The following CERS6 variants were observed in gnomAD, a reference collection of about 807,000 sequenced individuals.
CERS6 encodes LAG1 homolog, ceramide synthase 6.
A neutral mutation model predicts 56.8 loss-of-function variants in CERS6; 26 were observed. That is an observed-to-expected ratio of 0.46 (90% CI 0.34 to 0.63). The LOEUF (loss-of-function observed/expected upper bound fraction) is 0.63. Ranked by LOEUF, CERS6 falls within the 30% of genes least tolerant of loss-of-function variation. The pLI, the probability that CERS6 is intolerant of heterozygous loss-of-function variation, is 0.01. For synonymous variants in CERS6, 164 were observed against 173.3 expected (o/e 0.95, Z 0.42); for missense variants, 415 against 467.5 (o/e 0.89, Z 1.04).
At chr2:168,631,368 A>G (rs1391841313) in intron 4 of CERS6, among the ~76,000 whole-genome samples, 1 of 140,160 alleles carries the variant, frequency 7.1e-6, no homozygotes, top group Non-Finnish European at 1.5e-5. Context: ...TGTACTCTTC[A>G]CCAGTAGAAA....
chr2:168,589,243 T>C (rs1214347238), intron 3 of CERS6, among the ~76,000 whole-genome samples: 3 of 152,342 alleles, frequency 2.0e-5, no homozygotes, highest in Non-Finnish European at 4.4e-5. Flanking sequence ...CCTTCTCTCT[T>C]TCTTTTGTAA....
At chr2:168,662,210 A>G (rs1051938837) in intron 4 of CERS6, among the ~76,000 whole-genome samples, 9 of 150,418 alleles carry the variant, frequency 6.0e-5, no homozygotes, top group African/African-American at 2.2e-4. Context: ...ATTGGAATAT[A>G]CTTTTTCTAA....
chr2:168,742,759 C>T (rs901705389), intron 8 of CERS6, among the ~76,000 whole-genome samples: 13 of 152,164 alleles, frequency 8.5e-5, no homozygotes, highest in African/African-American at 2.4e-5. Flanking sequence ...AATGTAAGCA[C>T]TGAGACTGGG....
At chr2:168,597,232 C>T (rs558042094) in intron 3 of CERS6, among the ~76,000 whole-genome samples, 3 of 152,144 alleles carry the variant, frequency 2.0e-5, no homozygotes, top group South Asian at 2.1e-4. Context: ...TGGCAGCAGG[C>T]TTGACAGTAG....
intron 6 of CERS6, among the ~76,000 whole-genome samples, chr2:168,696,412 T>G (rs1452023075): frequency 6.6e-6 from 1 of 152,230 alleles, no homozygotes; most frequent in Non-Finnish European, 1.5e-5. Context: ...TGTAGTCTCT[T>G]AAACAGTCTT....
intron 4 of CERS6, among the ~76,000 whole-genome samples, chr2:168,639,468 T>C (rs1192903605): frequency 1.3e-5 from 2 of 152,236 alleles, no homozygotes; most frequent in African/African-American, 2.4e-5. Context: ...AAGTGTGTTT[T>C]TTCTAAAATC....
chr2:168,633,849 C>G (rs1481892529), intron 4 of CERS6, among the ~76,000 whole-genome samples: 2 of 152,156 alleles, frequency 1.3e-5, no homozygotes, highest in East Asian at 3.8e-4. Flanking sequence ...TCTTTGTGTT[C>G]AGATTCTTCC....
chr2:168,724,298 T>G (rs1354527675), intron 8 of CERS6, among the ~76,000 whole-genome samples: 3 of 152,112 alleles, frequency 2.0e-5, no homozygotes, highest in Non-Finnish European at 4.4e-5. Context: ...TGCAGACCTT[T>G]ACGGTGAGTG....
chr2:168,508,318 T>A (rs539544607), intron 1 of CERS6, among the ~76,000 whole-genome samples: 55 of 152,298 alleles, frequency 3.6e-4, no homozygotes, highest in Admixed American at 1.4e-3. Context: ...AACAGTTGGG[T>A]TGGGCTAAGT....
intron 4 of CERS6, among the ~76,000 whole-genome samples, chr2:168,670,319 A>G (rs1685875283): frequency 6.6e-6 from 1 of 152,174 alleles, no homozygotes; most frequent in Non-Finnish European, 1.5e-5. Flanking sequence ...CTTACCAGAG[A>G]ATACCAGCCT....
intron 4 of CERS6, among the ~76,000 whole-genome samples, chr2:168,670,048 A>G (rs1423529363): frequency 6.6e-6 from 1 of 152,184 alleles, no homozygotes; most frequent in Non-Finnish European, 1.5e-5. Context: ...TTATCAAAAC[A>G]TGTTGCAATT....
At chr2:168,701,669 G>A (rs913405330) in intron 6 of CERS6, among the ~76,000 whole-genome samples, 31 of 151,984 alleles carry the variant, frequency 2.0e-4, no homozygotes, top group Non-Finnish European at 3.8e-4. Flanking sequence ...CCCCGCCCCC[G>A]AGGATACCAA....
chr2:168,768,904 C>CAAAAAAA (rs765504573), intron 9 of CERS6, among the ~76,000 whole-genome samples: 2 of 59,392 alleles, frequency 3.4e-5, no homozygotes, highest in African/African-American at 1.1e-4. Flanking sequence ...GACTCTGACT[C>CAAAAAAA]AAAAAAAAAA....
chr2:168,503,896 G>T (rs1694630377), intron 1 of CERS6, among the ~76,000 whole-genome samples: 1 of 152,166 alleles, frequency 6.6e-6, no homozygotes, highest in South Asian at 2.1e-4. Flanking sequence ...GCAGTATCCT[G>T]CAAGTCCAAG....
chr2:168,745,343 G>C (rs375830589), intron 8 of CERS6, among the ~76,000 whole-genome samples: 1 of 151,886 alleles, frequency 6.6e-6, no homozygotes, highest in African/African-American at 2.4e-5. Flanking sequence ...CTGGGTTCAC[G>C]CCATTCTCCT....
At chr2:168,539,884 T>C (rs1266322035) in intron 1 of CERS6, among the ~76,000 whole-genome samples, 1 of 152,216 alleles carries the variant, frequency 6.6e-6, no homozygotes, top group East Asian at 1.9e-4. Context: ...CATAATTGGA[T>C]TTAACTGTTT....
chr2:168,481,230 A>G (rs996838723), intron 1 of CERS6, among the ~76,000 whole-genome samples: 5 of 152,192 alleles, frequency 3.3e-5, no homozygotes, highest in Non-Finnish European at 7.3e-5. Context: ...CCTGGCTAAC[A>G]TGGTGTAACC....
intron 4 of CERS6, among the ~76,000 whole-genome samples, chr2:168,665,892 G>T (rs1685745100): frequency 6.6e-6 from 1 of 151,498 alleles, no homozygotes; most frequent in Admixed American, 6.6e-5. Flanking sequence ...TTTTCTGTTG[G>T]CAAAGTGATG....
chr2:168,546,504 G>A (rs758606382), intron 1 of CERS6, among the ~76,000 whole-genome samples: 1 of 152,086 alleles, frequency 6.6e-6, no homozygotes, highest in Non-Finnish European at 1.5e-5. Flanking sequence ...GACCCAGTAG[G>A]ATATTATGTG....
Sources: gnomAD v4.1 joint callset for allele counts (sites outside exome capture counted in the v4.1 genomes callset) on GRCh38, gnomAD v4.1.1 for gene constraint, MANE v1.5 for transcripts, NCBI Gene and HGNC (gene_info 2026-07-23, HGNC 2026-07-21) for gene names.